The following SBF2 variants were observed in gnomAD, a reference collection of about 807,000 sequenced individuals.
The protein encoded by SBF2 is myotubularin-related protein 13.
Under a neutral mutation model 225.2 loss-of-function variants are expected in SBF2, and 112 were observed. The observed-to-expected ratio is 0.50, with a 90% confidence interval of 0.43 to 0.58. The LOEUF is 0.58. SBF2 is among the 20% of genes least tolerant of loss of function. The pLI, the probability that SBF2 is intolerant of heterozygous loss-of-function variation, is 0.00. For synonymous variants in SBF2, 763 were observed against 773.3 expected (o/e 0.99, Z 0.22); for missense variants, 1,996 against 2,206.2 (o/e 0.90, Z 1.91).
intron 16 of SBF2, among the ~76,000 whole-genome samples, chr11:9,907,209 C>T (rs1386708976): frequency 6.6e-6 from 1 of 152,042 alleles, no homozygotes; most frequent in Admixed American, 6.6e-5. Context: ...ATTTTCTGAC[C>T]ATTATAGAAT....
chr11:10,217,548 G>A (rs917756895), intron 1 of SBF2, among the ~76,000 whole-genome samples: 9 of 152,202 alleles, frequency 5.9e-5, no homozygotes, highest in South Asian at 2.1e-4. Flanking sequence ...ACAACTTTAC[G>A]TAGTTTCTTC....
At position 9,993,980 on chromosome 11, in the gene SBF2, C is replaced by G; in HGVS notation, c.994G>C (p.Glu332Gln). ...GGAGGAAAAGCATGATCTGCTACTT[C>G]CAAATCTGGGTGTAAAATCTAAAGC... ...ALSLILHPDLEVADHAFPPPR... is the reference protein window; with the variant it reads ...ALSLILHPDLQVADHAFPPPR... Residue 332 changes from glutamate (E) to glutamine (Q), a missense_variant, in exon 10 of 40, where the codon GAA becomes CAA. Physicochemically the swap from Glu to Gln is conservative, Grantham distance 29. Coordinates refer to ENST00000256190, the MANE Select transcript of SBF2 (RefSeq NM_030962.4). 1 of 1,212,682 alleles carries G rather than the reference C, an allele frequency of 8.2e-7. No individual in the cohort carries two copies. The highest frequency in any genetic ancestry group is 1.2e-6 in the Non-Finnish European group (1 of 813,464). The allele number at this position is 1,212,682 out of a possible 1,614,324, so 75.1% of individuals were successfully genotyped here.
At chr11:9,874,923 A>G (rs1052578713) in intron 17 of SBF2, among the ~76,000 whole-genome samples, 5 of 152,240 alleles carry the variant, frequency 3.3e-5, no homozygotes, top group African/African-American at 1.2e-4. Flanking sequence ...GAGAAAGGAG[A>G]CCAACCTATT....
At chr11:10,288,932 C>T (rs1228197057) in intron 1 of SBF2, among the ~76,000 whole-genome samples, 14 of 152,176 alleles carry the variant, frequency 9.2e-5, no homozygotes, top group African/African-American at 2.9e-4. Context: ...AAGCCCTCCC[C>T]GGCCTGAAGG....
chr11:10,112,428 C>T (rs1952920466), intron 2 of SBF2, among the ~76,000 whole-genome samples: 1 of 152,126 alleles, frequency 6.6e-6, no homozygotes, highest in African/African-American at 2.4e-5. Flanking sequence ...CTTTGCCTGC[C>T]GCCATCCATG....
intron 1 of SBF2, among the ~76,000 whole-genome samples, chr11:10,231,241 T>G (rs1443306883): frequency 4.6e-5 from 7 of 152,176 alleles, no homozygotes; most frequent in Non-Finnish European, 8.8e-5. Context: ...TTTAACTTCT[T>G]TGCCATTGGT....
intron 16 of SBF2, among the ~76,000 whole-genome samples, chr11:9,932,738 C>T (rs969203789): frequency 6.6e-6 from 1 of 151,952 alleles, no homozygotes; most frequent in Non-Finnish European, 1.5e-5. Context: ...GGCAAAATAA[C>T]CAGCTAGCAT....
At chr11:9,974,690 C>T (rs1323388054) in intron 13 of SBF2, among the ~76,000 whole-genome samples, 2 of 150,778 alleles carry the variant, frequency 1.3e-5, no homozygotes, top group African/African-American at 2.4e-5. Flanking sequence ...AGAAACCAGC[C>T]GGGTGCAGTA....
intron 16 of SBF2, among the ~76,000 whole-genome samples, chr11:9,916,163 A>G (rs758098171): frequency 2.0e-5 from 3 of 152,216 alleles, no homozygotes; most frequent in Non-Finnish European, 4.4e-5. Flanking sequence ...AGATAAACTA[A>G]TCAAATACTT....
intron 22 of SBF2, among the ~76,000 whole-genome samples, chr11:9,849,696 G>A (rs924752167): frequency 6.6e-6 from 1 of 152,204 alleles, no homozygotes; most frequent in Non-Finnish European, 1.5e-5. Flanking sequence ...GACTCAGAAA[G>A]CGTGGACAAA....
At chr11:9,843,373 A>C (rs1856304513) in intron 24 of SBF2, among the ~76,000 whole-genome samples, 1 of 152,252 alleles carries the variant, frequency 6.6e-6, no homozygotes, top group South Asian at 2.1e-4. Context: ...GAAAAATAAG[A>C]AATCAGAAAC....
chr11:10,184,961 T>C lies in SBF2; in HGVS notation c.141+8941A>G, dbSNP rs796833096. Among the ~76,000 whole-genome samples, 8 of 152,244 alleles carry C rather than the reference T, an allele frequency of 5.3e-5. 1 individual carries two copies. The highest frequency in any genetic ancestry group is 1.9e-4 in the African/African-American group (8 of 41,560). On this transcript the variant is annotated intron_variant, in intron 2 of 39. Coordinates refer to ENST00000256190, the MANE Select transcript of SBF2 (RefSeq NM_030962.4). ...CAGGATGGTCTCGATCTCCTAGTAT[T>C]TGTGTTTTTTTGTGATTGGCTTATT...
intron 2 of SBF2, among the ~76,000 whole-genome samples, chr11:10,128,544 TACA>T (rs1310090528): frequency 6.6e-6 from 1 of 152,218 alleles, no homozygotes; most frequent in Non-Finnish European, 1.5e-5. Flanking sequence ...CTGCCTATTT[TACA>T]ACATGCTCTA....
At chr11:10,141,745 C>T (rs148878603) in intron 2 of SBF2, among the ~76,000 whole-genome samples, 91 of 152,202 alleles carry the variant, frequency 6.0e-4, no homozygotes, top group African/African-American at 2.1e-3. Flanking sequence ...CATAGTGAAG[C>T]ATCTATCCAG....
At chr11:10,081,486 C>T (rs1436168785) in intron 2 of SBF2, among the ~76,000 whole-genome samples, 9 of 152,096 alleles carry the variant, frequency 5.9e-5, no homozygotes, top group Admixed American at 5.2e-4. Flanking sequence ...TGGCTGGGCA[C>T]GGTAGCTCAC....
At chr11:9,951,158 G>C (rs1411646136) in intron 16 of SBF2, among the ~76,000 whole-genome samples, 1 of 152,142 alleles carries the variant, frequency 6.6e-6, no homozygotes, top group African/African-American at 2.4e-5. Flanking sequence ...GGAGGAGAAA[G>C]GAAAGGAGGA....
chr11:9,827,594 T>A (rs962547978), intron 28 of SBF2, among the ~76,000 whole-genome samples: 7 of 151,880 alleles, frequency 4.6e-5, no homozygotes, highest in Admixed American at 3.9e-4. Context: ...GAATCTCACA[T>A]AAACTTCCAG....
At chr11:10,214,787 C>A (rs1958068024) in intron 1 of SBF2, among the ~76,000 whole-genome samples, 1 of 152,146 alleles carries the variant, frequency 6.6e-6, no homozygotes, top group South Asian at 2.1e-4. Context: ...TACCAGTGAC[C>A]CTTCTAGATT....
chr11:9,885,814 T>C (rs1013853321), intron 17 of SBF2, among the ~76,000 whole-genome samples: 19 of 152,176 alleles, frequency 1.2e-4, no homozygotes, highest in East Asian at 7.7e-4. Context: ...CCTCCTGCAA[T>C]AGGGTCCAGG....
Sources: gnomAD v4.1 joint callset for allele counts (sites outside exome capture counted in the v4.1 genomes callset) on GRCh38, gnomAD v4.1.1 for gene constraint, MANE v1.5 for transcripts, NCBI Gene and HGNC (gene_info 2026-07-23, HGNC 2026-07-21) for gene names.